NME9: variants seen among roughly 807,000 people sequenced by gnomAD.
NME9 encodes thioredoxin domain-containing protein 6.
A neutral mutation model predicts 44.4 loss-of-function variants in NME9; 48 were observed. That is an observed-to-expected ratio of 1.08 (90% CI 0.86 to 1.37). The LOEUF is 1.37. Among genes scored for constraint, NME9 ranks in the 40% most tolerant of loss-of-function variants. The pLI is 0.00. For missense variants in NME9, 325 were observed against 405.2 expected (o/e 0.80, Z 1.70); for synonymous variants, 139 against 147.1 (o/e 0.94, Z 0.40).
chr3:138,264,881 C>T (rs1417792083), intron 8 of NME9, among the ~76,000 whole-genome samples: 2 of 150,816 alleles, frequency 1.3e-5, no homozygotes, highest in Admixed American at 6.6e-5. Context: ...TTCTTAGTCT[C>T]GGCAATCCCT....
chr3:138,280,521 T>A (rs1277655606), intron 8 of NME9, among the ~76,000 whole-genome samples: 22 of 149,746 alleles, frequency 1.5e-4, no homozygotes, highest in African/African-American at 4.7e-4. Context: ...TGAGACAGTC[T>A]CTCGCTCTGT....
chr3:138,316,998 TC>T (rs1374351242), intron 4 of NME9, among the ~76,000 whole-genome samples: 1 of 152,196 alleles, frequency 6.6e-6, no homozygotes, highest in African/African-American at 2.4e-5. Context: ...TCCATTTCCA[TC>T]CCATTCCTCA....
chr3:138,312,345 A>G (rs900950510), intron 6 of NME9, among the ~76,000 whole-genome samples: 2 of 152,222 alleles, frequency 1.3e-5, no homozygotes, highest in Admixed American at 6.5e-5. Flanking sequence ...ACCTGGAGGC[A>G]TCACACTACC....
intron 8 of NME9, among the ~76,000 whole-genome samples, chr3:138,305,233 G>T (rs755358414): frequency 6.6e-6 from 1 of 152,196 alleles, no homozygotes; most frequent in Non-Finnish European, 1.5e-5. Flanking sequence ...ATGGGTGGTA[G>T]TGATGACCTA....
chr3:138,306,373 G>A, intron 7 of NME9, 25 bp downstream of exon 7: 1 of 1,508,592 alleles, frequency 6.6e-7, no homozygotes, highest in Non-Finnish European at 9.2e-7. Flanking sequence ...GGACAGTGGT[G>A]CATGGTAAGT....
chr3:138,274,638 CAG>C (rs1375556374), intron 8 of NME9: 10 of 906,522 alleles, frequency 1.1e-5, no homozygotes, highest in African/African-American at 1.7e-5. Flanking sequence ...CTGCAGAAGA[CAG>C]AGTGCTGAGA....
At chr3:138,328,004 G>A (rs775788520) in intron 1 of NME9, among the ~76,000 whole-genome samples, 30 of 152,134 alleles carry the variant, frequency 2.0e-4, no homozygotes, top group Non-Finnish European at 4.1e-4. Context: ...CTCTGCAGGC[G>A]TTACAGGACA....
chr3:138,270,375 C>T (rs1295121456), intron 8 of NME9, among the ~76,000 whole-genome samples: 2 of 152,164 alleles, frequency 1.3e-5, no homozygotes, highest in Admixed American at 6.5e-5. Flanking sequence ...GATGTTGAAA[C>T]TTAGCTAATT....
At position 138,306,396 on chromosome 3, in the gene NME9, A is replaced by G. The variant is rs1229391167; in HGVS notation, c.543+2T>C. 2 of 1,604,616 alleles carry G rather than the reference A, an allele frequency of 1.2e-6. No homozygotes were observed. The highest frequency in any genetic ancestry group is 2.7e-5 in the African/African-American group (2 of 74,716). The stretch of plus-strand genomic sequence containing the variant: ...GTGCATGGTAAGTGTTGTCTCTCTT[A>G]CCTTCATGATAATCTCATCAGTCTT... On this transcript the variant is annotated splice_donor_variant, in intron 7 of 10. Transcript: ENST00000333911. LOFTEE classifies it high-confidence loss of function.
At chr3:138,317,503 T>C (rs1016087141) in intron 4 of NME9, among the ~76,000 whole-genome samples, 1 of 152,200 alleles carries the variant, frequency 6.6e-6, no homozygotes, top group Non-Finnish European at 1.5e-5. Context: ...CTAAGGGGCA[T>C]AGAGCTGGAC....
At chr3:138,267,155 G>A (rs570676111) in intron 8 of NME9, 3 of 1,535,894 alleles carry the variant, frequency 2.0e-6, no homozygotes, top group Non-Finnish European at 2.7e-6. Flanking sequence ...AATTCCATAG[G>A]TTTTACAAAA....
At chr3:138,269,917 G>C in intron 8 of NME9, 2 of 311,010 alleles carry the variant, frequency 6.4e-6, no homozygotes, top group Non-Finnish European at 1.2e-5. Flanking sequence ...TCCCTGCTTT[G>C]CAAAAGTTGC....
At chr3:138,285,240 A>G (rs1560049119) in intron 8 of NME9, among the ~76,000 whole-genome samples, 1 of 152,118 alleles carries the variant, frequency 6.6e-6, no homozygotes, top group African/African-American at 2.4e-5. Context: ...CATTCTTTAG[A>G]CCTCACCTCT....
chr3:138,324,733 CACACACAT>C (rs766348420), intron 2 of NME9, 132 bp downstream of exon 2: 6 of 560,568 alleles, frequency 1.1e-5, no homozygotes, highest in Non-Finnish European at 1.7e-5. Flanking sequence ...CACACACACA[CACACACAT>C]CACCTGGTTT....
chr3:138,304,826 G>A lies in NME9; in HGVS notation c.791+47C>T, dbSNP rs1339420462. Reference sequence around the variant, plus strand: ...CACTGAGTGGGACTCAGCCTCCTGGGATGCAGGTTTTAAGATGGATGAAAG... The same window carrying A: ...CACTGAGTGGGACTCAGCCTCCTGGAATGCAGGTTTTAAGATGGATGAAAG... On this transcript the variant is annotated intron_variant, in intron 9 of 10. Transcript: ENST00000333911. The A allele has an allele frequency of 4.4e-6, 7 of 1,585,718 alleles. No individual in the cohort carries two copies. In the Admixed American group the frequency reaches 1.0e-4, roughly 23 times the overall value.
In NME9 at chr3:138,293,014, C is replaced by T. The variant is rs141755679; in HGVS notation, c.745+10493G>A. Reference sequence around the variant, plus strand: ...CAGGTTGCTATGTCCTCCAAAAAGCCTTGCCTGACCCACTCTCCACCCTCC... The same window carrying T: ...CAGGTTGCTATGTCCTCCAAAAAGCTTTGCCTGACCCACTCTCCACCCTCC... On this transcript the variant is annotated intron_variant, in intron 8 of 8. Transcript: ENST00000317876. Among the ~76,000 whole-genome samples, 53 of 152,278 alleles carry T rather than the reference C, an allele frequency of 3.5e-4. No individual in the cohort carries two copies. In the East Asian group the frequency reaches 0.01, roughly 29 times the overall value.
intron 2 of NME9, among the ~76,000 whole-genome samples, chr3:138,321,549 G>A (rs2053465192): frequency 6.6e-6 from 1 of 152,198 alleles, no homozygotes; most frequent in Admixed American, 6.5e-5. Context: ...TTAAACCACA[G>A]TACAGCAGAA....
chr3:138,318,311 C>A, intron 3 of NME9, 92 bp from the exon 4 acceptor site: 1 of 813,684 alleles, frequency 1.2e-6, no homozygotes, highest in Non-Finnish European at 2.2e-6. Context: ...CTGAACACCC[C>A]CAGGACTGAC....
intron 8 of NME9, among the ~76,000 whole-genome samples, chr3:138,268,748 G>T (rs1380527450): frequency 6.6e-6 from 1 of 151,802 alleles, no homozygotes; most frequent in Non-Finnish European, 1.5e-5. Flanking sequence ...TGCACTCCAG[G>T]CTGGGCTTCA....
Sources: allele counts gnomAD v4.1 joint callset (sites outside exome capture counted in the v4.1 genomes callset), GRCh38; gene constraint gnomAD v4.1.1; transcripts MANE v1.5; gene names NCBI Gene and HGNC (gene_info 2026-07-23, HGNC 2026-07-21).